Variants in TLN1 observed in about 807,000 individuals in gnomAD.
TLN1 encodes the protein talin 1.
A neutral mutation model predicts 292.3 loss-of-function variants in TLN1; 56 were observed. The ratio of observed to expected loss-of-function variants is 0.19; its 90% CI spans 0.15 to 0.24. The LOEUF is 0.24. Among genes scored for constraint, TLN1 ranks in the 10% least tolerant of loss-of-function variants. The pLI, the probability that TLN1 is intolerant of heterozygous loss-of-function variation, is 1.00. For missense variants in TLN1, 2,433 were observed against 3,248.2 expected (o/e 0.75, Z 6.10); for synonymous variants, 1,119 against 1,253.7 (o/e 0.89, Z 2.27).
rs112230640 is a variant in TLN1, at chr9:35,699,758, A to G, written c.6768+216T>C. On this transcript the variant is annotated intron_variant, in intron 50 of 56. Transcript: ENST00000314888. The surrounding 1 kb of genome is among the most constrained non-coding windows in gnomAD (Gnocchi z 4.0). ...AGGTGGGAAGGGAGGAGAAAAGAAA[A>G]AGAGGAAGAGGAAGAGGTGACTGGG... is the stretch of plus-strand genomic sequence containing the variant. 6.4e-5 allele frequency: 55 copies of G among 861,786 alleles called. No individual in the cohort carries two copies. The African/African-American group carries it at 8.4e-4, about 13-fold the overall frequency. The allele number at this position is 861,786 out of a possible 1,614,324, so 53.4% of individuals were successfully genotyped here.
In TLN1 at chr9:35,707,634, G is replaced by A; in HGVS notation, c.4632+97C>T. The A allele has an allele frequency of 1.3e-6, 2 of 1,588,582 alleles. No individual in the cohort carries two copies. The highest frequency in any genetic ancestry group is 1.1e-5 in the South Asian group (1 of 87,602). On this transcript the variant is annotated intron_variant, in intron 35 of 56. Transcript: ENST00000314888. The surrounding 1 kb of genome is among the most constrained non-coding windows in gnomAD (Gnocchi z 5.6). ...AATAGAAAGAGCTTGGGCTCAGGCAGAGGGGATTTGGTAGAAGGCTTCAGA... is the reference window on the plus strand; with the variant it reads ...AATAGAAAGAGCTTGGGCTCAGGCAAAGGGGATTTGGTAGAAGGCTTCAGA...
At position 35,724,123 on chromosome 9, in the gene TLN1, A is replaced by G. The variant is rs1825925546; in HGVS notation, c.655-44T>C. 1 of 1,612,746 alleles carries G rather than the reference A, an allele frequency of 6.2e-7. No homozygotes were observed. ...GGAGGCGAATGTTGTGTGTGGGTGC[A>G]AGGACACGCACACTGTGCTTCCGAG... On this transcript the variant is annotated intron_variant, in intron 6 of 56. Transcript: ENST00000314888. The surrounding 1 kb of genome is among the most constrained non-coding windows in gnomAD (Gnocchi z 4.7).
chr9:35,697,866 C>T lies in TLN1; in HGVS notation c.7551G>A (p.Glu2517=). The T allele has an allele frequency of 6.2e-7, 1 of 1,614,218 alleles. No individual in the cohort carries two copies. Among genetic ancestry groups the T allele is most frequent in the Non-Finnish European group, 8.5e-7 (1 of 1,180,040 alleles). The stretch of plus-strand genomic sequence containing the variant: ...GGATCTGGGCCAGTTTCTTCCGCGC[C>T]TCTTCCAGCTCTCGTTCCTTCCGAA... ...EMLRKERELE[E]ARKKLAQIRQ... is the part of the protein sequence containing the mutation. Residue 2517 remains glutamate (E), a synonymous_variant, in exon 57 of 57, where the codon GAG becomes GAA. Coordinates refer to ENST00000314888, the MANE Select transcript of TLN1 (RefSeq NM_006289.4).
Position 35,706,746 on chromosome 9 carries a change from C to A in TLN1, c.5088+22G>T. 6.2e-7 allele frequency: 1 copy of A among 1,610,442 alleles called. No individual in the cohort carries two copies. The highest frequency in any genetic ancestry group is 8.5e-7 in the Non-Finnish European group (1 of 1,178,434). On this transcript the variant is annotated intron_variant, in intron 38 of 56. Coordinates refer to ENST00000314888, the MANE Select transcript of TLN1 (RefSeq NM_006289.4). The surrounding 1 kb of genome is among the most constrained non-coding windows in gnomAD (Gnocchi z 4.2). Reference sequence around the variant, plus strand: ...ATTTCTCTTCCTAGACACATCTTTCCATATAACCCTCTCCCTCTCACCTCT... The same window carrying A: ...ATTTCTCTTCCTAGACACATCTTTCAATATAACCCTCTCCCTCTCACCTCT...
At chr9:35,700,114 C>G in intron 49 of TLN1, 33 bp from the exon 50 acceptor site, 1 of 1,597,794 alleles carries the variant, frequency 6.3e-7, no homozygotes, top group Non-Finnish European at 8.6e-7. Context: ...GCTTTAGGCC[C>G]CGCAGATCCC....
In TLN1 at chr9:35,700,713, C is replaced by T. The variant is rs73438724; in HGVS notation, c.6475-337G>A. Reference sequence around the variant, plus strand: ...GACATGAACAACCAAGATGTCACATCGGAAAGTATCAAGGAATGTTCTGGA... The same window carrying T: ...GACATGAACAACCAAGATGTCACATTGGAAAGTATCAAGGAATGTTCTGGA... On this transcript the variant is annotated intron_variant, in intron 48 of 56. Transcript: ENST00000314888. 9.6e-3 allele frequency among the ~76,000 whole-genome samples: 1,467 copies of T among 152,110 alleles called. 11 individuals carry two copies. The highest frequency in any genetic ancestry group is 0.034 in the African/African-American group (1,398 of 41,458).
Position 35,714,625 on chromosome 9 carries a change from G to C in TLN1, c.2934C>G (p.Asp978Glu). ...TGAGGGCAAGCTGAGCGCTGGGGCTGTCAGGCTGGGCTTGGCTTCCTCGGA... is the reference window on the plus strand; with the variant it reads ...TGAGGGCAAGCTGAGCGCTGGGGCTCTCAGGCTGGGCTTGGCTTCCTCGGA... ...QGVRGSQAQP[D>E]SPSAQLALIA... is the part of the protein sequence containing the mutation. Residue 978 changes from aspartate (D) to glutamate (E), a missense_variant, in exon 23 of 57, where the codon GAC becomes GAG. Around this residue, in one of 7 missense-constraint regions of TLN1, gnomAD observed 617 missense variants for 770.6 expected, o/e 0.80. Transcript: ENST00000314888. This position sits in a 1 kb window ranked among gnomAD's most constrained non-coding sequence, Gnocchi z 4.6. 6.2e-7 allele frequency: 1 copy of C among 1,613,500 alleles called. No individual in the cohort carries two copies. Among genetic ancestry groups the C allele is most frequent in the South Asian group, 1.1e-5 (1 of 91,084 alleles).
Position 35,714,385 on chromosome 9 carries a change from T to C in TLN1, c.2986-12A>G, listed in dbSNP as rs775357876. ...ATCTTCCCACCTGGCTGTTGGGGAATAGGCAGGTGGATGAAGTGTGCCATC... is the reference window on the plus strand; with the variant it reads ...ATCTTCCCACCTGGCTGTTGGGGAACAGGCAGGTGGATGAAGTGTGCCATC... On this transcript the variant is annotated splice_polypyrimidine_tract_variant and intron_variant, in intron 23 of 56. Coordinates refer to ENST00000314888, the MANE Select transcript of TLN1 (RefSeq NM_006289.4). This position sits in a 1 kb window ranked among gnomAD's most constrained non-coding sequence, Gnocchi z 4.6. The C allele has an allele frequency of 8.1e-6, 13 of 1,604,248 alleles. No individual in the cohort carries two copies. The highest frequency in any genetic ancestry group is 5.0e-5 in the Admixed American group (3 of 59,604).
In TLN1 at chr9:35,707,490, T is replaced by TA; in HGVS notation, c.4633-3dup. ...CTCTGTGAAGGCCCCATCTAGCGCCTAGAAGTGACAGAGAGGCTCTCAGGA... is the reference window on the plus strand; with the variant it reads ...CTCTGTGAAGGCCCCATCTAGCGCCTAAGAAGTGACAGAGAGGCTCTCAGGA... On this transcript the variant is annotated splice_region_variant and splice_polypyrimidine_tract_variant and intron_variant, in intron 35 of 56. Coordinates refer to ENST00000314888, the MANE Select transcript of TLN1 (RefSeq NM_006289.4). This position sits in a 1 kb window ranked among gnomAD's most constrained non-coding sequence, Gnocchi z 5.6. The TA allele has an allele frequency of 6.2e-7, 1 of 1,613,700 alleles. No homozygotes were observed. The highest frequency in any genetic ancestry group is 2.2e-5 in the East Asian group (1 of 44,874).
rs925085897 is a variant in TLN1 at position 35,697,015 on chromosome 9, G to A, written c.*776C>T. The A allele has an allele frequency of 2.6e-5, 4 of 152,228 alleles. No homozygotes were observed. The highest frequency in any genetic ancestry group is 9.6e-5 in the African/African-American group (4 of 41,454). The allele number at this position is 152,228 out of a possible 1,614,324, so 9.4% of individuals were successfully genotyped here. ...AGGACTGGATTTGTTGACATACCCT[G>A]AGTAGCTATGAAGAACAGAATGTCC... On this transcript the variant is annotated 3_prime_UTR_variant, in exon 57 of 57. Coordinates refer to ENST00000314888, the MANE Select transcript of TLN1 (RefSeq NM_006289.4).
chr9:35,703,339 A>C (rs184270944), intron 48 of TLN1, among the ~76,000 whole-genome samples: 1 of 152,148 alleles, frequency 6.6e-6, no homozygotes, highest in Non-Finnish European at 1.5e-5. Flanking sequence ...GTGAAATGGA[A>C]AGGTCACCCA....
rs758988730 is a variant in TLN1 at position 35,708,406 on chromosome 9, G to C, written c.4405C>G (p.Arg1469Gly). 1 of 1,611,320 alleles carries C rather than the reference G, an allele frequency of 6.2e-7. No individual in the cohort carries two copies. ...QGLVEPTQFA[R>G]ANQAIQMACQ... Reference sequence around the variant, plus strand: ...GCCATCTGAATTGCCTGGTTTGCACGGGCAAACTGTGTGGGCTCCACTAGC... The same window carrying C: ...GCCATCTGAATTGCCTGGTTTGCACCGGCAAACTGTGTGGGCTCCACTAGC... The change falls in exon 34 of 57, where the codon CGT (arginine) becomes GGT (glycine). Residue 1469 changes from arginine to glycine, a missense_variant. Arg to Gly is a moderately radical substitution (Grantham distance 125, BLOSUM62 -2). Around this residue, in one of 7 missense-constraint regions of TLN1, gnomAD observed 1,384 missense variants for 1,699.6 expected, o/e 0.81. Transcript: ENST00000314888.
chr9:35,729,352 G>A (rs1159459486), intron 1 of TLN1, among the ~76,000 whole-genome samples: 3 of 152,220 alleles, frequency 2.0e-5, no homozygotes, highest in Non-Finnish European at 2.9e-5. Context: ...AAATCGTGGA[G>A]GAGCATTCAG....
At chr9:35,720,629 C>CTTT (rs372029210) in intron 11 of TLN1, 120 bp from the exon 12 acceptor site, 146 of 832,986 alleles carry the variant, frequency 1.8e-4, no homozygotes, top group Middle Eastern at 7.0e-4. Flanking sequence ...ATTTCTTTTT[C>CTTT]TTTTTTTTTT....
chr9:35,699,864 G>C lies in TLN1; in HGVS notation c.6768+110C>G. The C allele has an allele frequency of 1.7e-6, 2 of 1,185,902 alleles. No homozygotes were observed. Among genetic ancestry groups the C allele is most frequent in the Non-Finnish European group, 2.3e-6 (2 of 853,970 alleles). 73.5% of individuals were successfully genotyped at this position (1,185,902 alleles called of 1,614,324 possible). A position where few individuals can be genotyped will look rare whatever the true frequency, so the allele number is the denominator to read the frequency against. The stretch of plus-strand genomic sequence containing the variant: ...AGAACAGATTTGGGAAGTAGAGGGT[G>C]GGGTAGGGAGGAGATCTGAGCAAAA... On this transcript the variant is annotated intron_variant, in intron 50 of 56. Coordinates refer to ENST00000314888, the MANE Select transcript of TLN1 (RefSeq NM_006289.4). This position sits in a 1 kb window ranked among gnomAD's most constrained non-coding sequence, Gnocchi z 4.0.
chr9:35,711,909 C>T, intron 28 of TLN1, 96 bp downstream of exon 28: 1 of 1,593,620 alleles, frequency 6.3e-7, no homozygotes, highest in Non-Finnish European at 8.5e-7. Context: ...GGGGACAGAT[C>T]TGGGAAGTCA....
Position 35,718,895 on chromosome 9 carries a change from G to A in TLN1, c.1912C>T (p.Leu638=). The A allele has an allele frequency of 6.2e-7, 1 of 1,613,020 alleles. No homozygotes were observed. Among genetic ancestry groups the A allele is most frequent in the Non-Finnish European group, 8.5e-7 (1 of 1,179,508 alleles). ...TGGCCCACGTTCCCAGCTGCTTGCA[G>A]CAGGTTCTGACGGGGCTGTGGAGAG... ...PASAEPRQNL[L]QAAGNVGQAS... is the part of the protein sequence containing the mutation. The change falls in exon 17 of 57, where the codon CTG becomes TTG. Residue 638 remains leucine, a synonymous_variant. Coordinates refer to ENST00000314888, the MANE Select transcript of TLN1 (RefSeq NM_006289.4).
In TLN1 at chr9:35,717,672, C is replaced by T; in HGVS notation, c.2110G>A (p.Ala704Thr). The change falls in exon 18 of 57, where the codon GCT (alanine) becomes ACT (threonine). Residue 704 changes from alanine to threonine, a missense_variant. By Grantham distance (58) the Ala-to-Thr change is moderately conservative (BLOSUM62 0). Coordinates refer to ENST00000314888, the MANE Select transcript of TLN1 (RefSeq NM_006289.4). The surrounding 1 kb of genome is among the most constrained non-coding windows in gnomAD (Gnocchi z 4.7). ...GATAGGGCACACTGTGTTGCTGCAG[C>T]AATAACTTGGGTCTGAAGTCCCGAG... The part of the protein sequence containing the change: ...EDSGLQTQVI[A>T]AATQCALSTS... 7 of 1,614,130 alleles carry T rather than the reference C, an allele frequency of 4.3e-6. No homozygotes were observed. Among genetic ancestry groups the T allele is most frequent in the South Asian group, 1.1e-5 (1 of 91,084 alleles).
In TLN1 at chr9:35,711,067, G is replaced by C; in HGVS notation, c.4035C>G (p.Ser1345Arg). The C allele has an allele frequency of 6.2e-7, 1 of 1,614,232 alleles. No homozygotes were observed. Among genetic ancestry groups the C allele is most frequent in the African/African-American group, 1.3e-5 (1 of 75,050 alleles). ...TGCACATAGTGATGAGCTGATTGAT[G>C]CTGTCAGTTACTGCCCTGGGAGTGA... ...LAAAARAVTDSINQLITMCTQ... is the reference protein window; with the variant it reads ...LAAAARAVTDRINQLITMCTQ... The change falls in exon 31 of 57, where the codon AGC becomes AGG. Residue 1345 changes from serine to arginine, a missense_variant. Coordinates refer to ENST00000314888, the MANE Select transcript of TLN1 (RefSeq NM_006289.4).
Sources: gnomAD v4.1 joint callset for allele counts (sites outside exome capture counted in the v4.1 genomes callset) on GRCh38, gnomAD v4.1.1 for gene constraint, gnomAD v4.1.1 regional missense constraint, Gnocchi (gnomAD v3.1) non-coding constraint, MANE v1.5 for transcripts, NCBI Gene and HGNC (gene_info 2026-07-23, HGNC 2026-07-21) for gene names.